TEK: variants seen among roughly 807,000 people sequenced by gnomAD.
The protein encoded by TEK is angiopoietin-1 receptor.
Under a neutral mutation model 131.8 loss-of-function variants are expected in TEK, and 43 were observed. The ratio of observed to expected loss-of-function variants is 0.33; its 90% CI spans 0.26 to 0.42. The LOEUF (loss-of-function observed/expected upper bound fraction) is 0.42, where lower values mean the gene tolerates loss of function less well. Among genes scored for constraint, TEK ranks in the 10% least tolerant of loss-of-function variants. The pLI is 1.00. For synonymous variants in TEK, 580 were observed against 491.6 expected, an observed-to-expected ratio of 1.18 and a Z score of -2.38; for missense variants, 1,162 against 1,384.4, an observed-to-expected ratio of 0.84 and a Z score of 2.55.
chr9:27,158,245 ATGT>A (rs1823414885), intron 2 of TEK, 103 bp downstream of exon 2: 1 of 1,316,040 alleles, frequency 7.6e-7, no homozygotes, highest in African/African-American at 1.4e-5. Context: ...CACTACCTGA[ATGT>A]AGAGCTTGAC....
At chr9:27,198,434 A>C in intron 12 of TEK, 1 of 152,260 alleles carries the variant, frequency 6.6e-6, no homozygotes. Context: ...TTCCTCAGGA[A>C]CAGGTGTGGA....
At chr9:27,201,126 T>C (rs1045546044) in intron 12 of TEK, among the ~76,000 whole-genome samples, 18 of 152,294 alleles carry the variant, frequency 1.2e-4, no homozygotes, top group Admixed American at 9.8e-4. Context: ...TTAGAATCTA[T>C]TGTAGAGTCA....
chr9:27,127,628 C>T (rs1587487365), intron 1 of TEK, among the ~76,000 whole-genome samples: 1 of 152,278 alleles, frequency 6.6e-6, no homozygotes, highest in East Asian at 1.9e-4. Flanking sequence ...TTCTCCATAT[C>T]CTCCAGCATC....
intron 6 of TEK, among the ~76,000 whole-genome samples, chr9:27,173,695 C>T (rs12552228): frequency 0.11 from 15,606 of 140,912 alleles, 924 homozygotes; most frequent in Admixed American, 0.18. Flanking sequence ...TCAGACCATG[C>T]TTTGAGTAGG....
chr9:27,111,350 C>G (rs189518438), intron 1 of TEK, among the ~76,000 whole-genome samples: 178 of 152,284 alleles, frequency 1.2e-3, no homozygotes, highest in Middle Eastern at 3.4e-3. Context: ...ATGAGCATGA[C>G]TGCTCAAGGC....
rs1019794180 is a variant in TEK at position 27,170,862 on chromosome 9, C to T, written c.628+1233C>T. On this transcript the variant is annotated intron_variant, in intron 4 of 22. Coordinates refer to ENST00000380036, the MANE Select transcript of TEK (RefSeq NM_000459.5). ...TGAGCTATAGACAAGGGTGGAGTCACGTACTACACGTTACAGGCACTAGAA... is the reference window on the plus strand; with the variant it reads ...TGAGCTATAGACAAGGGTGGAGTCATGTACTACACGTTACAGGCACTAGAA... 3.3e-5 allele frequency among the ~76,000 whole-genome samples: 5 copies of T among 152,148 alleles called. No homozygotes were observed. In the South Asian group the frequency reaches 6.2e-4, roughly 19 times the overall value.
intron 7 of TEK, among the ~76,000 whole-genome samples, chr9:27,182,156 G>T (rs775103355): frequency 3.3e-5 from 5 of 152,084 alleles, no homozygotes; most frequent in African/African-American, 4.8e-5. Flanking sequence ...GTTCCTTCCC[G>T]TCTGTTCCCT....
intron 9 of TEK, among the ~76,000 whole-genome samples, chr9:27,186,836 T>C (rs7869058): frequency 0.31 from 46,776 of 152,042 alleles, 7,440 homozygotes; most frequent in African/African-American, 0.38. Flanking sequence ...AATCTGTTTT[T>C]TAAAGGCCAA....
chr9:27,207,318 T>C (rs1405239492), intron 15 of TEK, among the ~76,000 whole-genome samples: 1 of 152,232 alleles, frequency 6.6e-6, no homozygotes, highest in Non-Finnish European at 1.5e-5. Flanking sequence ...TAGAAATGCA[T>C]TCACTTGGGT....
chr9:27,110,241 A>G (rs1821284444), intron 1 of TEK, among the ~76,000 whole-genome samples: 1 of 151,674 alleles, frequency 6.6e-6, no homozygotes, highest in South Asian at 2.1e-4. Context: ...TATTTTAAAA[A>G]ATGTTTGCCA....
At chr9:27,198,631 T>C (rs1356592367) in intron 12 of TEK, among the ~76,000 whole-genome samples, 2 of 152,256 alleles carry the variant, frequency 1.3e-5, no homozygotes, top group African/African-American at 2.4e-5. Flanking sequence ...AATTAACAAC[T>C]GTTAACATTT....
intron 21 of TEK, among the ~76,000 whole-genome samples, chr9:27,220,854 C>T (rs1293377624): frequency 6.6e-6 from 1 of 152,212 alleles, no homozygotes; most frequent in Non-Finnish European, 1.5e-5. Flanking sequence ...ACTGGGTGGC[C>T]ATTTCGGCAG....
At chr9:27,228,718 G>C (rs1409505933) in intron 22 of TEK, among the ~76,000 whole-genome samples, 1 of 152,142 alleles carries the variant, frequency 6.6e-6, no homozygotes, top group Non-Finnish European at 1.5e-5. Flanking sequence ...CTAGAAGTAA[G>C]TTGGCTGTAC....
intron 6 of TEK, among the ~76,000 whole-genome samples, chr9:27,173,849 G>A (rs1410518980): frequency 6.9e-6 from 1 of 144,660 alleles, no homozygotes; most frequent in East Asian, 2.1e-4. Context: ...AGGATCCCTT[G>A]AGCCCAGGAG....
intron 13 of TEK, 82 bp downstream of exon 13, chr9:27,203,201 T>C (rs759815414): frequency 9.1e-5 from 134 of 1,478,388 alleles, no homozygotes; most frequent in Admixed American, 1.9e-4. Flanking sequence ...GCCTGTGAGA[T>C]GAAAGCCTAT....
chr9:27,119,436 T>G (rs1324313877), intron 1 of TEK, among the ~76,000 whole-genome samples: 1 of 152,210 alleles, frequency 6.6e-6, no homozygotes, highest in Non-Finnish European at 1.5e-5. Flanking sequence ...TATGTTACCT[T>G]ATGTTACTCC....
intron 1 of TEK, among the ~76,000 whole-genome samples, chr9:27,142,072 C>T (rs1822746289): frequency 6.6e-6 from 1 of 152,042 alleles, no homozygotes; most frequent in Admixed American, 6.6e-5. Context: ...GGAAAGCTTG[C>T]AGGGAGTTTG....
At chr9:27,217,832 A>AAGAT (rs372244706) in intron 19 of TEK, 74 bp downstream of exon 19, 2 of 1,312,502 alleles carry the variant, frequency 1.5e-6, no homozygotes, top group East Asian at 2.3e-5. Flanking sequence ...AGGTTTTAAA[A>AAGAT]AGATACAGGA....
At position 27,218,946 on chromosome 9, in the gene TEK, A is replaced by G. The variant is rs551713132; in HGVS notation, c.3103+129A>G. ...GTTCTACCAGATGTGACTTGGAAAT[A>G]GAAACATAGTGTATTAATTCCCATA... On this transcript the variant is annotated intron_variant, in intron 20 of 22. Coordinates refer to ENST00000380036, the MANE Select transcript of TEK (RefSeq NM_000459.5). 1.6e-4 allele frequency: 153 copies of G among 928,548 alleles called. No individual in the cohort carries two copies. In the African/African-American group the frequency reaches 2.2e-3, roughly 13 times the overall value. 57.5% of individuals were successfully genotyped at this position (928,548 alleles called of 1,614,324 possible).
Sources: allele counts gnomAD v4.1 joint callset (sites outside exome capture counted in the v4.1 genomes callset), GRCh38; gene constraint gnomAD v4.1.1; transcripts MANE v1.5; gene names NCBI Gene and HGNC (gene_info 2026-07-23, HGNC 2026-07-21).